The following KLHL29 variants were observed in gnomAD, a reference collection of about 807,000 sequenced individuals.
The protein encoded by KLHL29 is kelch like family member 29.
Under a neutral mutation model 80.4 loss-of-function variants are expected in KLHL29, and 21 were observed. The observed-to-expected ratio is 0.26, with a 90% CI of 0.19 to 0.38. The LOEUF (loss-of-function observed/expected upper bound fraction) is 0.38. KLHL29 is among the 10% of genes least tolerant of loss of function. The pLI is 1.00. For missense variants in KLHL29, 867 were observed against 1,223.9 expected, an observed-to-expected ratio of 0.71 and a Z score of 4.35; for synonymous variants, 511 against 526.8, an observed-to-expected ratio of 0.97 and a Z score of 0.41.
In KLHL29 at chr2:23,669,798, C is replaced by T. The variant is rs1321860406; in HGVS notation, c.941-14601C>T. 6.6e-5 allele frequency among the ~76,000 whole-genome samples: 10 copies of T among 152,172 alleles called. No individual in the cohort carries two copies. Among genetic ancestry groups the T allele is most frequent in the African/African-American group, 2.2e-4 (9 of 41,432 alleles). Reference sequence around the variant, plus strand: ...CTGCAGCCGAGTACACAGGCCTGGCCCCGCCAGCGCAGGACAGCAACTCTT... The same window carrying T: ...CTGCAGCCGAGTACACAGGCCTGGCTCCGCCAGCGCAGGACAGCAACTCTT... On this transcript the variant is annotated intron_variant, in intron 5 of 13. Coordinates refer to ENST00000486442, the MANE Select transcript of KLHL29 (RefSeq NM_052920.2). The surrounding 1 kb of genome is among the most constrained non-coding windows in gnomAD (Gnocchi z 4.3).
rs555044434 is a variant in KLHL29 at position 23,682,929 on chromosome 2, C to T, written c.941-1470C>T. On this transcript the variant is annotated intron_variant, in intron 5 of 13. Transcript: ENST00000486442. This position sits in a 1 kb window ranked among gnomAD's most constrained non-coding sequence, Gnocchi z 4.1. ...TCCCAGAGGGCAGGGCCCCCAACCCCGATCCCTGAACATGCATGTGGCGTG... is the reference window on the plus strand; with the variant it reads ...TCCCAGAGGGCAGGGCCCCCAACCCTGATCCCTGAACATGCATGTGGCGTG... Among the ~76,000 whole-genome samples, 46 of 152,200 alleles carry T rather than the reference C, an allele frequency of 3.0e-4. No homozygotes were observed. Among genetic ancestry groups the T allele is most frequent in the Non-Finnish European group, 5.3e-4 (36 of 68,038 alleles).
chr2:23,610,794 C>A (rs1409210450), intron 3 of KLHL29, among the ~76,000 whole-genome samples: 2 of 152,192 alleles, frequency 1.3e-5, no homozygotes, highest in Admixed American at 1.3e-4. Context: ...CCTCACTCGC[C>A]CCTGCAAAAG....
chr2:23,397,206 C>G (rs1250669760), intron 1 of KLHL29, among the ~76,000 whole-genome samples: 1 of 152,224 alleles, frequency 6.6e-6, no homozygotes, highest in Non-Finnish European at 1.5e-5. Flanking sequence ...GGCACACAAA[C>G]GGCCCTCCTG....
chr2:23,605,107 C>CTTTTTTTTTTTTTTTTTT (rs386389703), intron 3 of KLHL29, among the ~76,000 whole-genome samples: 1 of 92,478 alleles, frequency 1.1e-5, no homozygotes. Flanking sequence ...TCCTTTGTTG[C>CTTTTTTTTTTTTTTTTTT]TTTTTTTTTT....
intron 5 of KLHL29, chr2:23,672,489 C>T (rs1054905062): frequency 2.6e-5 from 4 of 152,520 alleles, no homozygotes; most frequent in African/African-American, 4.8e-5. Context: ...TGGTTCTCCA[C>T]TGGAGACAGC....
chr2:23,521,845 A>G (rs1197803692), intron 2 of KLHL29, among the ~76,000 whole-genome samples: 1 of 152,328 alleles, frequency 6.6e-6, no homozygotes, highest in South Asian at 2.1e-4. Context: ...TAATTATGCA[A>G]TGATGCATCA....
At chr2:23,683,561 G>C (rs1671151500) in intron 5 of KLHL29, among the ~76,000 whole-genome samples, 1 of 152,220 alleles carries the variant, frequency 6.6e-6, no homozygotes, top group African/African-American at 2.4e-5. Context: ...GACATCCCCA[G>C]GTCTGGAGCC....
At chr2:23,473,137 G>A (rs1324976714) in intron 1 of KLHL29, among the ~76,000 whole-genome samples, 1 of 152,166 alleles carries the variant, frequency 6.6e-6, no homozygotes, top group Non-Finnish European at 1.5e-5. Context: ...TGACCTGCAG[G>A]TGAGGGACAC....
At chr2:23,615,654 G>A (rs1668985991) in intron 3 of KLHL29, among the ~76,000 whole-genome samples, 1 of 152,186 alleles carries the variant, frequency 6.6e-6, no homozygotes, top group Non-Finnish European at 1.5e-5. Flanking sequence ...GCCCACCCCA[G>A]CTCCTGGGGC....
At chr2:23,408,558 G>C (rs1033835088) in intron 1 of KLHL29, among the ~76,000 whole-genome samples, 8 of 152,148 alleles carry the variant, frequency 5.3e-5, no homozygotes, top group African/African-American at 1.7e-4. Context: ...GAGTGAGATC[G>C]TTCTGTCCCA....
At chr2:23,472,070 T>C (rs761443787) in intron 1 of KLHL29, among the ~76,000 whole-genome samples, 13 of 121,698 alleles carry the variant, frequency 1.1e-4, no homozygotes, top group African/African-American at 3.9e-4. Context: ...ATGGGTGCTA[T>C]GGACCAGAGA....
At chr2:23,584,769 C>T (rs1668075257) in intron 3 of KLHL29, among the ~76,000 whole-genome samples, 1 of 152,132 alleles carries the variant, frequency 6.6e-6, no homozygotes. Context: ...CAGAGTCTTG[C>T]TATGTTGCCC....
At position 23,696,549 on chromosome 2, in the gene KLHL29, T is replaced by C; in HGVS notation, c.2105+36T>C. ...CACGGTCAGGACAGGGGCATGCTCT[T>C]TGCTCACCAAGAACTGAAATCACGT... On this transcript the variant is annotated intron_variant, in intron 11 of 13. Coordinates refer to ENST00000486442, the MANE Select transcript of KLHL29 (RefSeq NM_052920.2). The surrounding 1 kb of genome is among the most constrained non-coding windows in gnomAD (Gnocchi z 5.5). The C allele has an allele frequency of 6.9e-7, 1 of 1,452,434 alleles. No individual in the cohort carries two copies. The highest frequency in any genetic ancestry group is 1.4e-5 in the South Asian group (1 of 70,116). 90.0% of individuals were successfully genotyped at this position (1,452,434 alleles called of 1,614,324 possible).
chr2:23,589,828 T>A (rs1203950373), intron 3 of KLHL29, among the ~76,000 whole-genome samples: 8 of 152,194 alleles, frequency 5.3e-5, no homozygotes, highest in African/African-American at 1.9e-4. Flanking sequence ...TGGGACTCAG[T>A]GACCTTTAAA....
intron 5 of KLHL29, chr2:23,643,161 A>C: frequency 3.9e-6 from 2 of 516,970 alleles, no homozygotes; most frequent in Admixed American, 2.8e-5. Flanking sequence ...CTCACCTCCA[A>C]CCCCCAAGGC....
intron 3 of KLHL29, among the ~76,000 whole-genome samples, chr2:23,620,807 A>G (rs1669159583): frequency 6.6e-6 from 1 of 152,194 alleles, no homozygotes; most frequent in Non-Finnish European, 1.5e-5. Context: ...CCGGATAAAC[A>G]TCATTGAAAG....
rs532749905 is a variant in KLHL29 at position 23,463,055 on chromosome 2, C to A, written c.-153-12505C>A. Among the ~76,000 whole-genome samples the A allele has an allele frequency of 2.0e-5, 3 of 150,216 alleles. No homozygotes were observed. In the South Asian group the frequency reaches 6.3e-4, roughly 32 times the overall value. On this transcript the variant is annotated intron_variant, in intron 1 of 13. Transcript: ENST00000486442. ...AGTAATTATTCAAACTTGTTCTGGG[C>A]AGCTTTGCCTCCCATGTTTTTTTTT... is the stretch of plus-strand genomic sequence containing the variant.
At chr2:23,573,090 C>G (rs1050365646) in intron 3 of KLHL29, among the ~76,000 whole-genome samples, 1 of 152,214 alleles carries the variant, frequency 6.6e-6, no homozygotes, top group Non-Finnish European at 1.5e-5. Flanking sequence ...GGCCTGAGCC[C>G]GGATGATGAA....
At chr2:23,687,585 G>C (rs2149197574) in intron 6 of KLHL29, among the ~76,000 whole-genome samples, 1 of 152,354 alleles carries the variant, frequency 6.6e-6, no homozygotes, top group Middle Eastern at 3.4e-3. Flanking sequence ...ACACGCTGCA[G>C]ACAGGCAAGG....
Sources: allele counts gnomAD v4.1 joint callset (sites outside exome capture counted in the v4.1 genomes callset), GRCh38; gene constraint gnomAD v4.1.1; non-coding constraint Gnocchi (gnomAD v3.1); transcripts MANE v1.5; gene names NCBI Gene and HGNC (gene_info 2026-07-23, HGNC 2026-07-21).